DOCK3: variants seen among roughly 807,000 people sequenced by gnomAD.
The protein encoded by DOCK3 is dedicator of cytokinesis protein 3.
In DOCK3, 60 loss-of-function variants were observed where a neutral mutation model predicts 265.6. The observed-to-expected ratio is 0.23, with a 90% CI of 0.18 to 0.28. The LOEUF is 0.28. DOCK3 is among the 10% of genes least tolerant of loss of function. The pLI, the probability that DOCK3 is intolerant of heterozygous loss-of-function variation, is 1.00. For missense variants in DOCK3, 1,981 were observed against 2,594.3 expected, an observed-to-expected ratio of 0.76 and a Z score of 5.14; for synonymous variants, 881 against 938.0, an observed-to-expected ratio of 0.94 and a Z score of 1.11.
chr3:50,843,505 G>T (rs1273661226), intron 3 of DOCK3, among the ~76,000 whole-genome samples: 1 of 152,146 alleles, frequency 6.6e-6, no homozygotes, highest in Non-Finnish European at 1.5e-5. Context: ...CTCATACTTA[G>T]TTCTTAATTC....
chr3:51,042,962 A>T (rs991499708), intron 5 of DOCK3, among the ~76,000 whole-genome samples: 6 of 152,226 alleles, frequency 3.9e-5, no homozygotes, highest in African/African-American at 9.6e-5. Context: ...AACAAATTTT[A>T]AAAAATTCCA....
chr3:51,117,301 CA>C (rs2083783641), intron 9 of DOCK3, among the ~76,000 whole-genome samples: 1 of 152,166 alleles, frequency 6.6e-6, no homozygotes, highest in African/African-American at 2.4e-5. Context: ...CCTTGCCTCC[CA>C]GGGGTGAAGC....
intron 9 of DOCK3, among the ~76,000 whole-genome samples, chr3:51,114,988 C>CT (rs2083673145): frequency 6.6e-6 from 1 of 152,072 alleles, no homozygotes. Flanking sequence ...TGAACTCACC[C>CT]TTTTTTATGA....
chr3:51,281,397 A>G (rs2081111273), intron 27 of DOCK3, among the ~76,000 whole-genome samples: 1 of 151,462 alleles, frequency 6.6e-6, no homozygotes, highest in Admixed American at 6.6e-5. Flanking sequence ...CGTGGGTTAG[A>G]CAAGCTTGTT....
At chr3:50,868,977 CT>C (rs71633040) in intron 3 of DOCK3, among the ~76,000 whole-genome samples, 10,437 of 73,528 alleles carry the variant, frequency 0.14, 547 homozygotes, top group Non-Finnish European at 0.18. Context: ...AAAACCAACT[CT>C]TTTTTTTTTT....
At chr3:50,978,821 A>T (rs1386811673) in intron 5 of DOCK3, among the ~76,000 whole-genome samples, 1 of 152,170 alleles carries the variant, frequency 6.6e-6, no homozygotes, top group East Asian at 1.9e-4. Flanking sequence ...GGACCCTCCG[A>T]GCCACGTGCG....
At chr3:50,812,452 G>A (rs1406275343) in intron 2 of DOCK3, among the ~76,000 whole-genome samples, 1 of 152,106 alleles carries the variant, frequency 6.6e-6, no homozygotes, top group Non-Finnish European at 1.5e-5. Context: ...TGTTTCTATG[G>A]AAAACCCAGA....
chr3:50,765,072 G>GT lies in DOCK3; in HGVS notation c.38-13576dup, dbSNP rs34672189. 4.1e-3 allele frequency among the ~76,000 whole-genome samples: 193 copies of GT among 47,498 alleles called. 18 individuals carry two copies. The highest frequency in any genetic ancestry group is 0.018 in the Middle Eastern group (1 of 56). 31.2% of individuals were successfully genotyped at this position (47,498 alleles called of 152,430 possible). The stretch of plus-strand genomic sequence containing the variant: ...TGTTTTGAAGCTGCCACTTTCTTAG[G>GT]TTTTTTTTTTTTTTTTTTTTTTTTT... On this transcript the variant is annotated intron_variant, in intron 1 of 52. Coordinates refer to ENST00000266037, the MANE Select transcript of DOCK3 (RefSeq NM_004947.5).
At chr3:50,746,885 A>G (rs1559586156) in intron 1 of DOCK3, among the ~76,000 whole-genome samples, 2 of 152,052 alleles carry the variant, frequency 1.3e-5, no homozygotes, top group Admixed American at 6.6e-5. Context: ...ACCAGGCCCC[A>G]CCTTTAACAC....
intron 27 of DOCK3, among the ~76,000 whole-genome samples, chr3:51,304,930 T>G (rs1313381188): frequency 1.3e-5 from 2 of 152,206 alleles, no homozygotes; most frequent in African/African-American, 4.8e-5. Flanking sequence ...TGATTTTACT[T>G]CTTTTAAATT....
intron 2 of DOCK3, among the ~76,000 whole-genome samples, chr3:50,784,922 C>T (rs1281861757): frequency 6.6e-6 from 1 of 152,142 alleles, no homozygotes; most frequent in Non-Finnish European, 1.5e-5. Flanking sequence ...TTTGGGAAGC[C>T]AAGGCGGGCA....
intron 2 of DOCK3, among the ~76,000 whole-genome samples, chr3:50,802,927 T>C (rs2043146026): frequency 6.6e-6 from 1 of 151,984 alleles, no homozygotes; most frequent in South Asian, 2.1e-4. Flanking sequence ...TTTATTCACA[T>C]GATGGTGTTT....
At chr3:50,981,191 T>C (rs1559894936) in intron 5 of DOCK3, among the ~76,000 whole-genome samples, 2 of 152,238 alleles carry the variant, frequency 1.3e-5, no homozygotes, top group Non-Finnish European at 2.9e-5. Flanking sequence ...ATTTTTCATT[T>C]CTTTATTGAC....
At chr3:51,152,560 G>A (rs2085653641) in intron 10 of DOCK3, among the ~76,000 whole-genome samples, 1 of 152,134 alleles carries the variant, frequency 6.6e-6, no homozygotes, top group Non-Finnish European at 1.5e-5. Context: ...GCAGTCCTTT[G>A]GAGGAGAAGA....
chr3:51,019,463 T>A (rs2079494235), intron 5 of DOCK3, among the ~76,000 whole-genome samples: 1 of 151,910 alleles, frequency 6.6e-6, no homozygotes, highest in Admixed American at 6.6e-5. Flanking sequence ...AGATTCTATT[T>A]TTTCCCTTCA....
chr3:51,090,567 A>G (rs1003325159), intron 9 of DOCK3, among the ~76,000 whole-genome samples, 183 bp downstream of exon 9: 1 of 152,190 alleles, frequency 6.6e-6, no homozygotes, highest in African/African-American at 2.4e-5. Flanking sequence ...AAACCATACC[A>G]TGGGTGGCTG....
At chr3:51,380,507 T>G (rs2088540092) in intron 52 of DOCK3, among the ~76,000 whole-genome samples, 1 of 152,218 alleles carries the variant, frequency 6.6e-6, no homozygotes, top group Admixed American at 6.5e-5. Context: ...CACCAAGGTA[T>G]CAACACACTG....
At position 51,312,489 on chromosome 3, in the gene DOCK3, A is replaced by G. The variant is rs780760256; in HGVS notation, c.3107A>G (p.Tyr1036Cys). Residue 1036 changes from tyrosine to cysteine, a missense_variant, in exon 30 of 53, where the codon TAC becomes TGC. Physicochemically the swap from Tyr to Cys is radical, Grantham distance 194. Around this residue, in one of 4 missense-constraint regions of DOCK3, gnomAD observed 1,357 missense variants for 1,866.8 expected, o/e 0.73. Coordinates refer to ENST00000266037, the MANE Select transcript of DOCK3 (RefSeq NM_004947.5). ...CTGTCTGTCTAGGTGTGGAATTCTT[A>G]CTTTAGCCTGGCAGTTCTATTCATA... ...TDFDFKVWNS[Y>C]FSLAVLFINQ... is the part of the protein sequence containing the mutation. 3.1e-6 allele frequency: 5 copies of G among 1,612,820 alleles called. No homozygotes were observed. Among genetic ancestry groups the G allele is most frequent in the Non-Finnish European group, 4.2e-6 (5 of 1,179,678 alleles).
chr3:50,863,922 A>G (rs1314716111), intron 3 of DOCK3, among the ~76,000 whole-genome samples: 1 of 152,206 alleles, frequency 6.6e-6, no homozygotes, highest in Non-Finnish European at 1.5e-5. Context: ...CAATAAACGT[A>G]GGTGTGCAGC....
Sources: gnomAD v4.1 joint callset for allele counts (sites outside exome capture counted in the v4.1 genomes callset) on GRCh38, gnomAD v4.1.1 for gene constraint, gnomAD v4.1.1 regional missense constraint, MANE v1.5 for transcripts, NCBI Gene and HGNC (gene_info 2026-07-23, HGNC 2026-07-21) for gene names.